The following PTPRD variants were observed in gnomAD, a reference collection of about 807,000 sequenced individuals.
The protein encoded by PTPRD is protein tyrosine phosphatase receptor type D.
PTPRD carries 34 observed loss-of-function variants against 214.5 expected under a neutral mutation model. The ratio of observed to expected loss-of-function variants is 0.16; its 90% confidence interval spans 0.12 to 0.21. The LOEUF (loss-of-function observed/expected upper bound fraction) is 0.21. Ranked by LOEUF, PTPRD falls within the 10% of genes least tolerant of loss-of-function variation. The pLI is 1.00. For synonymous variants in PTPRD, 1,128 were observed against 845.7 expected (o/e 1.33, Z -5.79); for missense variants, 2,545 against 2,398.7 (o/e 1.06, Z -1.27).
Position 8,634,574 on chromosome 9 carries a change from C to G in PTPRD, c.211-1116G>C, listed in dbSNP as rs915581526. Among the ~76,000 whole-genome samples, 58 of 151,910 alleles carry G rather than the reference C, an allele frequency of 3.8e-4. 1 individual carries two copies. The highest frequency in any genetic ancestry group is 2.1e-4 in the South Asian group (1 of 4,818). The stretch of plus-strand genomic sequence containing the variant: ...AATTCACAAAAATATTCAAAATGGC[C>G]CATTTCTCAATGCACTACAGTTTAT... On this transcript the variant is annotated intron_variant, in intron 13 of 45. Coordinates refer to ENST00000381196, the MANE Select transcript of PTPRD (RefSeq NM_002839.4).
At chr9:10,103,401 A>ATATATATATATAT (rs1321996717) in intron 3 of PTPRD, among the ~76,000 whole-genome samples, 12 of 144,708 alleles carry the variant, frequency 8.3e-5, no homozygotes, top group Non-Finnish European at 1.2e-4. Context: ...ATATTTATTT[A>ATATATATATATAT]AGAGCATTGC....
At chr9:10,555,885 A>G (rs950138366) in intron 2 of PTPRD, among the ~76,000 whole-genome samples, 2 of 152,180 alleles carry the variant, frequency 1.3e-5, no homozygotes, top group Non-Finnish European at 2.9e-5. Context: ...TGAATAAAAT[A>G]AAAAGGTCAT....
intron 11 of PTPRD, among the ~76,000 whole-genome samples, chr9:8,918,088 A>T (rs549839315): frequency 6.6e-6 from 1 of 152,266 alleles, no homozygotes; most frequent in African/African-American, 2.4e-5. Flanking sequence ...CCTCTACCCA[A>T]AGTCAGTTGC....
rs554536878 is a variant in PTPRD, at chr9:10,300,854, C to T, written c.-545+40109G>A. ...TGGGTGCAGCTTCAGCAGACTTAAA[C>T]ATTCCTGCCTGATAGCTCTGAAGAG... On this transcript the variant is annotated intron_variant, in intron 3 of 45. Transcript: ENST00000381196. Among the ~76,000 whole-genome samples, 31 of 152,244 alleles carry T rather than the reference C, an allele frequency of 2.0e-4. No homozygotes were observed. The East Asian group carries it at 4.9e-3, about 24-fold the overall frequency.
intron 10 of PTPRD, among the ~76,000 whole-genome samples, chr9:9,041,487 T>C (rs762134703): frequency 1.4e-4 from 21 of 152,176 alleles, no homozygotes; most frequent in Non-Finnish European, 2.5e-4. Context: ...GTTCCTGGGT[T>C]AGTTTGCTAA....
At chr9:10,518,564 G>A (rs1295345403) in intron 2 of PTPRD, among the ~76,000 whole-genome samples, 3 of 150,008 alleles carry the variant, frequency 2.0e-5, no homozygotes, top group East Asian at 2.0e-4. Flanking sequence ...ACGGAGTCTC[G>A]CACTGTCACC....
rs140110597 is a variant in PTPRD at position 9,130,042 on chromosome 9, T to A, written c.-143+53262A>T. 4.3e-3 allele frequency among the ~76,000 whole-genome samples: 660 copies of A among 152,276 alleles called. 1 individual carries two copies. Among genetic ancestry groups the A allele is most frequent in the Middle Eastern group, 0.017 (5 of 294 alleles). ...ATAATAGGCTCTTAATGTTATACAT[T>A]GCTATCATTTTAATTATTAAGATAT... On this transcript the variant is annotated intron_variant, in intron 10 of 45. Transcript: ENST00000381196.
intron 11 of PTPRD, among the ~76,000 whole-genome samples, chr9:8,921,113 C>T (rs958022466): frequency 6.6e-6 from 1 of 152,152 alleles, no homozygotes; most frequent in South Asian, 2.1e-4. Context: ...CGCGTCTGGC[C>T]GAAGTTATTC....
chr9:10,030,510 T>C (rs961066835), intron 4 of PTPRD, among the ~76,000 whole-genome samples: 4 of 152,132 alleles, frequency 2.6e-5, no homozygotes, highest in African/African-American at 7.2e-5. Context: ...CAAGAGTAGA[T>C]GAGTTCTATC....
In PTPRD at chr9:9,955,242, T is replaced by C. The variant is rs541024074; in HGVS notation, c.-471-16632A>G. On this transcript the variant is annotated intron_variant, in intron 4 of 45. Transcript: ENST00000381196. ...TGATAAAGAACAAATGAATAATGCATGAATGAGTGAACGAGTACTAAACGG... is the reference window on the plus strand; with the variant it reads ...TGATAAAGAACAAATGAATAATGCACGAATGAGTGAACGAGTACTAAACGG... Among the ~76,000 whole-genome samples, 10 of 152,234 alleles carry C rather than the reference T, an allele frequency of 6.6e-5. No homozygotes were observed. The South Asian group carries it at 2.1e-3, about 32-fold the overall frequency.
intron 3 of PTPRD, among the ~76,000 whole-genome samples, chr9:10,065,795 C>T (rs1701579475): frequency 6.6e-6 from 1 of 151,760 alleles, no homozygotes; most frequent in Admixed American, 6.6e-5. Context: ...AAAGTATTTT[C>T]CGGTGATTAA....
At chr9:10,169,256 C>T (rs1476831076) in intron 3 of PTPRD, among the ~76,000 whole-genome samples, 2 of 151,778 alleles carry the variant, frequency 1.3e-5, no homozygotes, top group African/African-American at 2.4e-5. Flanking sequence ...AGGCGGATCA[C>T]GAGGTCAGGA....
At chr9:9,054,984 G>A (rs1251453070) in intron 10 of PTPRD, among the ~76,000 whole-genome samples, 1 of 152,064 alleles carries the variant, frequency 6.6e-6, no homozygotes, top group Non-Finnish European at 1.5e-5. Context: ...CCATCTACCA[G>A]TCACAAAAAT....
intron 2 of PTPRD, among the ~76,000 whole-genome samples, chr9:10,449,515 A>G (rs1251036032): frequency 1.4e-5 from 2 of 142,244 alleles, no homozygotes; most frequent in Non-Finnish European, 1.5e-5. Flanking sequence ...CTGGGATGTG[A>G]GGAGCCCCTC....
chr9:9,930,512 GTCAC>G (rs2153920641), intron 5 of PTPRD, among the ~76,000 whole-genome samples: 1 of 152,260 alleles, frequency 6.6e-6, no homozygotes, highest in South Asian at 2.1e-4. Flanking sequence ...TCATTCATGT[GTCAC>G]TCAAACTGGA....
chr9:9,330,040 G>A (rs2041716928), intron 9 of PTPRD, among the ~76,000 whole-genome samples: 1 of 152,110 alleles, frequency 6.6e-6, no homozygotes, highest in Non-Finnish European at 1.5e-5. Flanking sequence ...TAAAAATTTA[G>A]GATGGCGGAT....
intron 12 of PTPRD, among the ~76,000 whole-genome samples, chr9:8,678,163 C>T (rs546592846): frequency 4.9e-4 from 75 of 152,196 alleles, no homozygotes; most frequent in South Asian, 1.2e-3. Flanking sequence ...AAACTGCTTC[C>T]TTGTTAGAGC....
In PTPRD at chr9:9,754,738, A is replaced by T. The variant is rs112505493; in HGVS notation, c.-326+12072T>A. On this transcript the variant is annotated intron_variant, in intron 6 of 45. Coordinates refer to ENST00000381196, the MANE Select transcript of PTPRD (RefSeq NM_002839.4). ...CAGTTGGACTATATTCTAAAAAGAA[A>T]GTTTATGTAAAGTAGATTGTTCAAT... Among the ~76,000 whole-genome samples the T allele has an allele frequency of 6.4e-4, 97 of 152,146 alleles. 1 individual carries two copies. The highest frequency in any genetic ancestry group is 2.2e-3 in the African/African-American group (93 of 41,540).
chr9:8,380,539 T>C (rs900829216), intron 37 of PTPRD, among the ~76,000 whole-genome samples: 2 of 152,206 alleles, frequency 1.3e-5, no homozygotes, highest in African/African-American at 4.8e-5. Flanking sequence ...GTTATTACCC[T>C]TAAGTGGAGC....
Sources: gnomAD v4.1 joint callset for allele counts (sites outside exome capture counted in the v4.1 genomes callset) on GRCh38, gnomAD v4.1.1 for gene constraint, MANE v1.5 for transcripts, NCBI Gene and HGNC (gene_info 2026-07-23, HGNC 2026-07-21) for gene names.